ANGEL1: variants seen among roughly 807,000 people sequenced by gnomAD.
The protein encoded by ANGEL1 is RNA 2',3'-cyclic phosphatase ANGEL1.
A neutral mutation model predicts 76.4 loss-of-function variants in ANGEL1; 62 were observed. The ratio of observed to expected loss-of-function variants is 0.81; its 90% CI spans 0.66 to 1.00. The LOEUF (loss-of-function observed/expected upper bound fraction) is 1.00. Among genes scored for constraint, ANGEL1 ranks in the 50% least tolerant of loss-of-function variants. ANGEL1 has a pLI of 0.00. For synonymous variants in ANGEL1, 340 were observed against 331.7 expected, an observed-to-expected ratio of 1.03 and a Z score of -0.27; for missense variants, 737 against 836.7, an observed-to-expected ratio of 0.88 and a Z score of 1.47.
chr14:76,805,658 T>C (rs1894897544), intron 5 of ANGEL1, among the ~76,000 whole-genome samples: 1 of 152,104 alleles, frequency 6.6e-6, no homozygotes, highest in Non-Finnish European at 1.5e-5. Flanking sequence ...CATATGCAAA[T>C]TGCTGAGTGA....
intron 7 of ANGEL1, among the ~76,000 whole-genome samples, chr14:76,794,329 T>A (rs919435006): frequency 1.3e-5 from 2 of 152,112 alleles, no homozygotes; most frequent in Non-Finnish European, 2.9e-5. Context: ...GATATGGGAA[T>A]GTTACGAACA....
chr14:76,801,811 G>C (rs1450732335), intron 7 of ANGEL1, among the ~76,000 whole-genome samples: 2 of 152,036 alleles, frequency 1.3e-5, no homozygotes, highest in Non-Finnish European at 2.9e-5. Flanking sequence ...CCACATGCCT[G>C]AACTTATTTT....
intron 1 of ANGEL1, among the ~76,000 whole-genome samples, chr14:76,809,868 A>G (rs894985543): frequency 6.6e-6 from 1 of 152,246 alleles, no homozygotes; most frequent in Non-Finnish European, 1.5e-5. Context: ...ACTAATTTAT[A>G]TGGCAGGGAT....
At chr14:76,792,691 C>G (rs1701788475) in intron 7 of ANGEL1, among the ~76,000 whole-genome samples, 1 of 152,124 alleles carries the variant, frequency 6.6e-6, no homozygotes, top group African/African-American at 2.4e-5. Flanking sequence ...CACTCCAACA[C>G]CCTTTCATGA....
chr14:76,804,839 G>A (rs112081801), intron 5 of ANGEL1, among the ~76,000 whole-genome samples: 3,014 of 152,006 alleles, frequency 0.02, 101 homozygotes, highest in African/African-American at 0.069. Flanking sequence ...GCGAAACCCC[G>A]TCTCTACTAA....
In ANGEL1 at chr14:76,806,747, T is replaced by C; in HGVS notation, c.1049A>G (p.Glu350Gly). The change falls in exon 5 of 10, where the codon GAG becomes GGG. Residue 350 changes from glutamate to glycine, a missense_variant. Glu to Gly is a moderately conservative substitution (Grantham distance 98). Coordinates refer to ENST00000251089, the MANE Select transcript of ANGEL1 (RefSeq NM_015305.4). ...RFRLLCASPVEYFRPGLELLN... is the reference protein window; with the variant it reads ...RFRLLCASPVGYFRPGLELLN... Reference sequence around the variant, plus strand: ...TAGCTCCAAGCCAGGCCGGAAGTACTCCACAGGGCTAGCACAGAGCAGGCG... The same window carrying C: ...TAGCTCCAAGCCAGGCCGGAAGTACCCCACAGGGCTAGCACAGAGCAGGCG... 1.2e-6 allele frequency: 2 copies of C among 1,613,988 alleles called. No homozygotes were observed. Among genetic ancestry groups the C allele is most frequent in the Non-Finnish European group, 1.7e-6 (2 of 1,180,028 alleles).
At chr14:76,799,586 C>A (rs1411388629) in intron 7 of ANGEL1, among the ~76,000 whole-genome samples, 1 of 152,052 alleles carries the variant, frequency 6.6e-6, no homozygotes, top group African/African-American at 2.4e-5. Context: ...AGCCACCGCG[C>A]CCGGCCCATT....
At chr14:76,810,580 ATACAATT>A (rs1263365858) in intron 1 of ANGEL1, among the ~76,000 whole-genome samples, 1 of 152,200 alleles carries the variant, frequency 6.6e-6, no homozygotes, top group Non-Finnish European at 1.5e-5. Context: ...TCAAAAATCT[ATACAATT>A]TACATCTTAG....
Position 76,788,786 on chromosome 14 carries a change from A to G in ANGEL1, c.*442T>C, listed in dbSNP as rs557300890. The stretch of plus-strand genomic sequence containing the variant: ...CCAAGAGGACACATACATGATATGC[A>G]TATCTCACATATGCATGCCTGGCAA... On this transcript the variant is annotated 3_prime_UTR_variant, in exon 10 of 10. Transcript: ENST00000251089. The G allele has an allele frequency of 9.4e-4, 159 of 168,298 alleles. No individual in the cohort carries two copies. Among genetic ancestry groups the G allele is most frequent in the African/African-American group, 3.7e-3 (155 of 41,784 alleles). 10.4% of individuals were successfully genotyped at this position (168,298 alleles called of 1,614,324 possible).
intron 1 of ANGEL1, among the ~76,000 whole-genome samples, chr14:76,810,476 A>C (rs1028328356): frequency 3.3e-5 from 5 of 152,076 alleles, no homozygotes; most frequent in Non-Finnish European, 7.4e-5. Flanking sequence ...AATAGAGACA[A>C]GTTTGAACTA....
intron 7 of ANGEL1, among the ~76,000 whole-genome samples, chr14:76,802,351 C>T (rs1213914888): frequency 6.6e-6 from 1 of 151,906 alleles, no homozygotes; most frequent in African/African-American, 2.4e-5. Flanking sequence ...CATGCTTTTC[C>T]TTTTTTGACA....
intron 7 of ANGEL1, among the ~76,000 whole-genome samples, chr14:76,799,491 C>T (rs972708617): frequency 1.4e-4 from 21 of 151,816 alleles, no homozygotes; most frequent in Non-Finnish European, 2.5e-4. Flanking sequence ...GACAGGGTTT[C>T]ACCATGTTAG....
chr14:76,796,125 C>T (rs1894569218), intron 7 of ANGEL1, among the ~76,000 whole-genome samples: 1 of 151,994 alleles, frequency 6.6e-6, no homozygotes, highest in Non-Finnish European at 1.5e-5. Context: ...ACCATTTTAG[C>T]TATAACCAAC....
At chr14:76,799,382 C>G (rs368756272) in intron 7 of ANGEL1, among the ~76,000 whole-genome samples, 2 of 145,074 alleles carry the variant, frequency 1.4e-5, no homozygotes, top group Admixed American at 7.3e-5. Context: ...CAAGCTCTGC[C>G]TCCCGCGTTC....
chr14:76,806,359 C>T (rs1318158891), intron 5 of ANGEL1, 57 bp downstream of exon 5: 20 of 1,540,556 alleles, frequency 1.3e-5, no homozygotes, highest in East Asian at 6.8e-5. Context: ...CTGATGCTAA[C>T]GCCTGAATCT....
Position 76,808,042 on chromosome 14 carries a change from G to T in ANGEL1, c.756C>A (p.Ile252=), listed in dbSNP as rs773722539. 1 of 1,614,190 alleles carries T rather than the reference G, an allele frequency of 6.2e-7. No homozygotes were observed. Among genetic ancestry groups the T allele is most frequent in the Non-Finnish European group, 8.5e-7 (1 of 1,180,036 alleles). The change falls in exon 3 of 10, where the codon ATC becomes ATA. Residue 252 remains isoleucine, a synonymous_variant. Transcript: ENST00000251089. ...QFQFTLMSYN[I]LAQDLMQQSS... is the part of the protein sequence containing the mutation. ...TCTGCTGCATCAGGTCCTGAGCCAG[G>T]ATGTTATAAGACATCAGAGTGAACT...
At chr14:76,790,846 GT>G in intron 8 of ANGEL1, 72 bp from the exon 9 acceptor site, 1 of 1,455,154 alleles carries the variant, frequency 6.9e-7, no homozygotes, top group South Asian at 1.5e-5. Context: ...TTTTCTATGG[GT>G]TTTATGAAGA....
intron 1 of ANGEL1, chr14:76,812,537 C>A: frequency 1.6e-6 from 2 of 1,246,488 alleles, no homozygotes; most frequent in South Asian, 6.4e-5. Context: ...CATCTGACAA[C>A]AGGCGGGAGG....
chr14:76,812,868 A>G lies in ANGEL1; in HGVS notation c.-41T>C, dbSNP rs750269170. ...CCCGCCTCCGCTCCTCACTGCAGCCAGCAGGTCCTCCCTCAGCTCGGCCCC... is the reference window on the plus strand; with the variant it reads ...CCCGCCTCCGCTCCTCACTGCAGCCGGCAGGTCCTCCCTCAGCTCGGCCCC... On this transcript the variant is annotated 5_prime_UTR_variant, in exon 1 of 10. Coordinates refer to ENST00000251089, the MANE Select transcript of ANGEL1 (RefSeq NM_015305.4). 5 of 1,481,112 alleles carry G rather than the reference A, an allele frequency of 3.4e-6. No individual in the cohort carries two copies. Among genetic ancestry groups the G allele is most frequent in the South Asian group, 1.3e-5 (1 of 77,634 alleles). The allele number at this position is 1,481,112 out of a possible 1,614,324, so 91.7% of individuals were successfully genotyped here.
Sources: gnomAD v4.1 joint callset for allele counts (sites outside exome capture counted in the v4.1 genomes callset) on GRCh38, gnomAD v4.1.1 for gene constraint, MANE v1.5 for transcripts, NCBI Gene and HGNC (gene_info 2026-07-23, HGNC 2026-07-21) for gene names.